Variants in SPAG16 observed in about 807,000 individuals in gnomAD.
SPAG16 encodes sperm associated antigen 16.
Under a neutral mutation model 80.4 loss-of-function variants are expected in SPAG16, and 86 were observed. That is an observed-to-expected ratio of 1.07 (90% confidence interval 0.90 to 1.28). The LOEUF (loss-of-function observed/expected upper bound fraction) is 1.28. Among genes scored for constraint, SPAG16 ranks in the 50% most tolerant of loss-of-function variants. SPAG16 has a pLI of 0.00. For synonymous variants in SPAG16, 294 were observed against 265.9 expected (o/e 1.11, Z -1.03); for missense variants, 870 against 765.3 (o/e 1.14, Z -1.61).
intron 10 of SPAG16, among the ~76,000 whole-genome samples, chr2:213,811,804 T>C (rs564177570): frequency 1.3e-5 from 2 of 152,220 alleles, no homozygotes; most frequent in South Asian, 4.1e-4. Context: ...ATGGATAAGA[T>C]TGCTGAGACA....
In SPAG16 at chr2:213,353,403, G is replaced by C. The variant is rs544065182; in HGVS notation, c.762+2758G>C. ...CATGAGCAATTTGAAAACCAGTTAG[G>C]GTCCATCTACACAGATATACCTTTT... On this transcript the variant is annotated intron_variant, in intron 7 of 15. Coordinates refer to ENST00000331683, the MANE Select transcript of SPAG16 (RefSeq NM_024532.5). Among the ~76,000 whole-genome samples, 9 of 150,800 alleles carry C rather than the reference G, an allele frequency of 6.0e-5. No individual in the cohort carries two copies. In the South Asian group the frequency reaches 1.9e-3, roughly 32 times the overall value.
chr2:213,629,505 G>T (rs1308718981), intron 10 of SPAG16, among the ~76,000 whole-genome samples: 5 of 152,188 alleles, frequency 3.3e-5, no homozygotes, highest in Admixed American at 6.5e-5. Context: ...AATCCTGATT[G>T]GTGGCATAAT....
At chr2:213,284,826 T>G in intron 1 of SPAG16, 3 of 670,394 alleles carry the variant, frequency 4.5e-6, no homozygotes, top group Non-Finnish European at 7.3e-6. Context: ...CAGGGTGTCC[T>G]GTACCTGTTA....
intron 14 of SPAG16, among the ~76,000 whole-genome samples, chr2:214,110,722 A>T (rs1470168962): frequency 6.6e-6 from 1 of 152,234 alleles, no homozygotes; most frequent in Non-Finnish European, 1.5e-5. Flanking sequence ...ATTGTCTTCC[A>T]AAATGGTTGA....
At chr2:214,365,800 C>A (rs918713262) in intron 15 of SPAG16, among the ~76,000 whole-genome samples, 1 of 152,108 alleles carries the variant, frequency 6.6e-6, no homozygotes, top group South Asian at 2.1e-4. Flanking sequence ...TCACTCTCTT[C>A]AAGATCTGTT....
At chr2:213,477,187 A>T (rs558758013) in intron 9 of SPAG16, among the ~76,000 whole-genome samples, 3 of 152,328 alleles carry the variant, frequency 2.0e-5, no homozygotes, top group Admixed American at 6.5e-5. Context: ...TCTATCTGGA[A>T]CTGGAAGCTC....
At position 214,108,232 on chromosome 2, in the gene SPAG16, T is replaced by A; in HGVS notation, c.1564T>A (p.Ser522Thr). 6.2e-7 allele frequency: 1 copy of A among 1,602,492 alleles called. No individual in the cohort carries two copies. Among genetic ancestry groups the A allele is most frequent in the Non-Finnish European group, 8.5e-7 (1 of 1,171,382 alleles). ...GCAGTCACTTTATGGTCACATGCAT[T>A]CTATCAATGATGCCATTTTTGATCC... ...CEQSLYGHMHSINDAIFDPRG... is the reference protein window; with the variant it reads ...CEQSLYGHMHTINDAIFDPRG... The change falls in exon 14 of 16, where the codon TCT becomes ACT. Residue 522 changes from serine to threonine, a missense_variant. Coordinates refer to ENST00000331683, the MANE Select transcript of SPAG16 (RefSeq NM_024532.5).
intron 10 of SPAG16, among the ~76,000 whole-genome samples, chr2:213,524,676 G>T (rs2075817789): frequency 6.6e-6 from 1 of 152,202 alleles, no homozygotes; most frequent in Non-Finnish European, 1.5e-5. Context: ...CTGGATTTCG[G>T]ACTTGCATGG....
At chr2:213,933,274 C>G (rs1195844588) in intron 12 of SPAG16, among the ~76,000 whole-genome samples, 1 of 152,144 alleles carries the variant, frequency 6.6e-6, no homozygotes, top group Non-Finnish European at 1.5e-5. Context: ...CATGAAATGA[C>G]TTAACAATGT....
chr2:213,323,541 C>T (rs926551568), intron 5 of SPAG16, among the ~76,000 whole-genome samples: 1 of 152,156 alleles, frequency 6.6e-6, no homozygotes, highest in South Asian at 2.1e-4. Context: ...GTGGTGCAGC[C>T]ACCACTGAAA....
chr2:213,740,696 C>T (rs1050969720), intron 10 of SPAG16, among the ~76,000 whole-genome samples: 1 of 152,176 alleles, frequency 6.6e-6, no homozygotes, highest in Admixed American at 6.5e-5. Context: ...ACTTACTAAC[C>T]TCCTCAGTGA....
intron 10 of SPAG16, among the ~76,000 whole-genome samples, chr2:213,754,900 C>T (rs898804230): frequency 3.9e-5 from 6 of 152,184 alleles, no homozygotes; most frequent in African/African-American, 1.4e-4. Flanking sequence ...ATAGTGATAT[C>T]ATGCTGTTGG....
chr2:213,469,484 G>A (rs2072943300), intron 9 of SPAG16, among the ~76,000 whole-genome samples: 2 of 151,448 alleles, frequency 1.3e-5, no homozygotes, highest in Non-Finnish European at 1.5e-5. Context: ...TCTGCAGCTG[G>A]TCATGTGGTC....
intron 9 of SPAG16, among the ~76,000 whole-genome samples, chr2:213,481,779 GT>G (rs1452529179): frequency 6.6e-6 from 1 of 152,184 alleles, no homozygotes; most frequent in Non-Finnish European, 1.5e-5. Context: ...GGAAATTTTA[GT>G]AAAAGGAACA....
intron 15 of SPAG16, among the ~76,000 whole-genome samples, chr2:214,308,805 G>T (rs1316786492): frequency 6.6e-6 from 1 of 152,066 alleles, no homozygotes; most frequent in African/African-American, 2.4e-5. Context: ...TTTCCCTCCA[G>T]CTGCCTTTAA....
intron 10 of SPAG16, among the ~76,000 whole-genome samples, chr2:213,581,782 C>A (rs766273089): frequency 6.6e-6 from 1 of 152,132 alleles, no homozygotes; most frequent in East Asian, 1.9e-4. Context: ...TGGAAGCCAG[C>A]TGAAGATAGC....
intron 11 of SPAG16, among the ~76,000 whole-genome samples, chr2:213,913,611 ATATATG>A (rs2077798154): frequency 1.2e-4 from 1 of 8,598 alleles, no homozygotes; most frequent in African/African-American, 1.7e-4. Flanking sequence ...GTACATGTAC[ATATATG>A]TATATGTACA....
At chr2:214,198,720 C>T (rs144309431) in intron 15 of SPAG16, among the ~76,000 whole-genome samples, 29 of 152,084 alleles carry the variant, frequency 1.9e-4, no homozygotes, top group African/African-American at 7.0e-4. Flanking sequence ...CCACCAGCAA[C>T]ACTGCTGGTG....
chr2:214,191,727 GAAAA>G (rs367694225), intron 15 of SPAG16, among the ~76,000 whole-genome samples: 1 of 115,818 alleles, frequency 8.6e-6, no homozygotes, highest in African/African-American at 3.1e-5. Context: ...AAAAAAAAAA[GAAAA>G]AAAAAAAAAA....
Sources: gnomAD v4.1 joint callset for allele counts (sites outside exome capture counted in the v4.1 genomes callset) on GRCh38, gnomAD v4.1.1 for gene constraint, MANE v1.5 for transcripts, NCBI Gene and HGNC (gene_info 2026-07-23, HGNC 2026-07-21) for gene names.